Variants in TFAP4 observed in about 807,000 individuals in gnomAD.
TFAP4 encodes transcription factor AP-4, also known as activating enhancer-binding protein 4.
TFAP4 carries 7 observed loss-of-function variants against 40.4 expected under a neutral mutation model. The ratio of observed to expected loss-of-function variants is 0.17; its 90% CI spans 0.10 to 0.33. The LOEUF (loss-of-function observed/expected upper bound fraction) is 0.33. Ranked by LOEUF, TFAP4 falls within the 10% of genes least tolerant of loss-of-function variation. TFAP4 has a pLI of 1.00. For missense variants in TFAP4, 374 were observed against 451.1 expected, an observed-to-expected ratio of 0.83 and a Z score of 1.55; for synonymous variants, 218 against 181.4, an observed-to-expected ratio of 1.20 and a Z score of -1.62.
intron 1 of TFAP4, chr16:4,262,970 T>C: frequency 2.1e-6 from 1 of 479,946 alleles, no homozygotes; most frequent in Non-Finnish European, 3.8e-6. Context: ...GCCTAAGAGT[T>C]TGAGATCAGC....
In TFAP4 at chr16:4,257,934, A is replaced by G. The variant is rs1288650663; in HGVS notation, c.*121T>C. On this transcript the variant is annotated 3_prime_UTR_variant, in exon 7 of 7. Transcript: ENST00000204517. ...TTACAGTATTGAAAAAGAGGTCATA[A>G]AAGAGACCCAAATGACATCGTAATT... The G allele has an allele frequency of 1.3e-5, 13 of 990,128 alleles. No homozygotes were observed. Among genetic ancestry groups the G allele is most frequent in the Non-Finnish European group, 1.7e-5 (12 of 686,384 alleles). The allele number at this position is 990,128 out of a possible 1,614,324, so 61.3% of individuals were successfully genotyped here.
Position 4,270,100 on chromosome 16 carries a change from G to A in TFAP4, c.89+2558C>T, listed in dbSNP as rs2053029551. ...CTTGGGAGGCTGAGGCAGGAAAGTC[G>A]GTTGAATCTAGGAGGCGGAGGTTGC... On this transcript the variant is annotated intron_variant, in intron 1 of 6. Transcript: ENST00000204517. 3.3e-5 allele frequency among the ~76,000 whole-genome samples: 5 copies of A among 152,086 alleles called. No individual in the cohort carries two copies. The South Asian group carries it at 8.3e-4, about 25-fold the overall frequency.
chr16:4,265,265 T>A (rs1193307605), intron 1 of TFAP4: 2 of 152,230 alleles, frequency 1.3e-5, no homozygotes, highest in African/African-American at 2.4e-5. Flanking sequence ...GAATGAGCTC[T>A]GACCGGCCCA....
chr16:4,272,951 T>C lies in TFAP4; in HGVS notation c.-205A>G, dbSNP rs1285135622. 5.5e-6 allele frequency: 2 copies of C among 366,570 alleles called. No homozygotes were observed. Among genetic ancestry groups the C allele is most frequent in the Non-Finnish European group, 9.9e-6 (2 of 201,286 alleles). 22.7% of individuals were successfully genotyped at this position (366,570 alleles called of 1,614,324 possible). On this transcript the variant is annotated 5_prime_UTR_variant, in exon 1 of 7. Transcript: ENST00000204517. ...TCTCCGGCCTGCCTCCCCGGGCGTG[T>C]GTATGTGTGTGTGTGTGTGTGTGTG...
chr16:4,267,666 G>A (rs187781357), intron 1 of TFAP4, among the ~76,000 whole-genome samples: 35 of 152,248 alleles, frequency 2.3e-4, no homozygotes, highest in Non-Finnish European at 4.3e-4. Flanking sequence ...CCTCAAACCG[G>A]CCACTGAGAA....
intron 1 of TFAP4, among the ~76,000 whole-genome samples, chr16:4,272,332 A>C: frequency 6.6e-6 from 1 of 151,970 alleles, no homozygotes; most frequent in East Asian, 1.9e-4. Context: ...GGGAAAGAGG[A>C]AGCGCGGGGG....
chr16:4,266,099 C>T (rs1024062467), intron 1 of TFAP4: 1 of 152,428 alleles, frequency 6.6e-6, no homozygotes, highest in African/African-American at 2.4e-5. Flanking sequence ...CGTCCCTTCC[C>T]CGCAAGGCAG....
chr16:4,260,696 A>C, intron 4 of TFAP4, 101 bp from the exon 5 acceptor site: 1 of 1,378,770 alleles, frequency 7.3e-7, no homozygotes, highest in Non-Finnish European at 9.5e-7. Context: ...ACCCTAGCAC[A>C]GGGCGGGCCC....
chr16:4,259,990 C>A, intron 6 of TFAP4, 100 bp downstream of exon 6: 2 of 1,420,820 alleles, frequency 1.4e-6, no homozygotes, highest in Non-Finnish European at 1.9e-6. Flanking sequence ...CACACAAGCA[C>A]CATCTTCCTC....
intron 4 of TFAP4, among the ~76,000 whole-genome samples, chr16:4,261,104 G>A (rs1017196553): frequency 1.3e-5 from 2 of 152,012 alleles, no homozygotes; most frequent in Non-Finnish European, 2.9e-5. Flanking sequence ...GAGTAACCGG[G>A]ACTACAGGCA....
At chr16:4,266,065 T>G (rs949365177) in intron 1 of TFAP4, 1 of 152,458 alleles carries the variant, frequency 6.6e-6, no homozygotes, top group African/African-American at 2.4e-5. Flanking sequence ...CCTCTGCTCT[T>G]GGGAGCTGAC....
At position 4,272,824 on chromosome 16, in the gene TFAP4, G is replaced by T. The variant is rs1043850593; in HGVS notation, c.-78C>A. 8 of 1,365,388 alleles carry T rather than the reference G, an allele frequency of 5.9e-6. No homozygotes were observed. The African/African-American group carries it at 1.0e-4, about 17-fold the overall frequency. 84.6% of individuals were successfully genotyped at this position (1,365,388 alleles called of 1,614,324 possible). A position where few individuals can be genotyped will look rare whatever the true frequency, so the allele number is the denominator to read the frequency against. ...ATGCAAGATGGAAATCCGAATCAAA[G>T]GGCAGCGCCGGACGGAGGTGCAGAA... On this transcript the variant is annotated 5_prime_UTR_variant, in exon 1 of 7. Coordinates refer to ENST00000204517, the MANE Select transcript of TFAP4 (RefSeq NM_003223.3).
chr16:4,270,753 A>G (rs981248787), intron 1 of TFAP4, among the ~76,000 whole-genome samples: 1 of 152,206 alleles, frequency 6.6e-6, no homozygotes, highest in Non-Finnish European at 1.5e-5. Flanking sequence ...AGGCCCAGGC[A>G]TGGCAGCCAG....
chr16:4,258,421 C>CA, intron 6 of TFAP4, 172 bp from the exon 7 acceptor site: 1 of 586,268 alleles, frequency 1.7e-6, no homozygotes, highest in Non-Finnish European at 2.9e-6. Context: ...ACTCCTTTTA[C>CA]TTTTTTTTTG....
chr16:4,272,605 C>T (rs1237559047), intron 1 of TFAP4, 53 bp downstream of exon 1: 7 of 1,430,494 alleles, frequency 4.9e-6, no homozygotes, highest in African/African-American at 3.1e-5. Flanking sequence ...CCCGGGCGGG[C>T]TGGCCGGGGG....
At chr16:4,272,611 G>T (rs532886561) in intron 1 of TFAP4, 47 bp downstream of exon 1, 1 of 1,479,080 alleles carries the variant, frequency 6.8e-7, no homozygotes, top group Non-Finnish European at 9.2e-7. Flanking sequence ...CGGGCTGGCC[G>T]GGGGCTGCAG....
At chr16:4,271,343 C>T (rs551490101) in intron 1 of TFAP4, among the ~76,000 whole-genome samples, 3 of 152,338 alleles carry the variant, frequency 2.0e-5, no homozygotes, top group Non-Finnish European at 4.4e-5. Context: ...CTGCCTCGGG[C>T]GGCAGAGCAC....
rs1401996813 is a variant in TFAP4 at position 4,260,592 on chromosome 16, G to A, written c.529C>T (p.Arg177Cys). The A allele has an allele frequency of 2.5e-6, 4 of 1,593,376 alleles. No individual in the cohort carries two copies. Among genetic ancestry groups the A allele is most frequent in the East Asian group, 2.2e-5 (1 of 44,528 alleles). Residue 177 changes from arginine (R) to cysteine (C), a missense_variant, in exon 5 of 7, where the codon CGC becomes TGC. Coordinates refer to ENST00000204517, the MANE Select transcript of TFAP4 (RefSeq NM_003223.3). ...GGGTACATGTGGGCCTCCAGCGAGC[G>A]CACCTGGAGGCAGGACAACCTGGGC... ...SVRMMLEEQV[R>C]SLEAHMYPEK...
In TFAP4 at chr16:4,272,760, C is replaced by G. The variant is rs771720881; in HGVS notation, c.-14G>C. The G allele has an allele frequency of 6.2e-6, 10 of 1,612,106 alleles. No individual in the cohort carries two copies. In the Admixed American group the frequency reaches 1.7e-4, roughly 27 times the overall value. ...GAAATACTCCATAGCGATCGGCCCC[C>G]CTCCTCTGCACGAGCCAGGTCCCGC... On this transcript the variant is annotated 5_prime_UTR_variant, in exon 1 of 7. Coordinates refer to ENST00000204517, the MANE Select transcript of TFAP4 (RefSeq NM_003223.3).
Sources: allele counts gnomAD v4.1 joint callset (sites outside exome capture counted in the v4.1 genomes callset), GRCh38; gene constraint gnomAD v4.1.1; transcripts MANE v1.5; gene names NCBI Gene and HGNC (gene_info 2026-07-23, HGNC 2026-07-21).